SBDS: variants seen among roughly 807,000 people sequenced by gnomAD.
The protein encoded by SBDS is SBDS ribosome maturation factor, also known as ribosome maturation protein SBDS.
In SBDS, 20 loss-of-function variants were observed where a neutral mutation model predicts 26.4. That is an observed-to-expected ratio of 0.76 (90% CI 0.53 to 1.10). The LOEUF (loss-of-function observed/expected upper bound fraction) is 1.10, where lower values mean the gene tolerates loss of function less well. Ranked by LOEUF, SBDS falls within the 50% of genes least tolerant of loss-of-function variation. The pLI is 0.00. For missense variants in SBDS, 241 were observed against 302.0 expected (o/e 0.80, Z 1.50); for synonymous variants, 95 against 105.1 (o/e 0.90, Z 0.59).
chr7:66,993,174 T>C (rs376075835), intron 3 of SBDS, 43 bp downstream of exon 3: 28 of 1,541,864 alleles, frequency 1.8e-5, no homozygotes, highest in Non-Finnish European at 2.3e-5. Context: ...CAGAGAAAAC[T>C]GATTTCCATG....
chr7:66,988,281 A>C lies in SBDS; in HGVS notation c.*90T>G. 7.3e-7 allele frequency: 1 copy of C among 1,376,442 alleles called. No individual in the cohort carries two copies. 85.3% of individuals were successfully genotyped at this position (1,376,442 alleles called of 1,614,324 possible). A position where few individuals can be genotyped will look rare whatever the true frequency, so the allele number is the denominator to read the frequency against. On this transcript the variant is annotated 3_prime_UTR_variant, in exon 5 of 5. Coordinates refer to ENST00000246868, the MANE Select transcript of SBDS (RefSeq NM_016038.4). ...AAAGATAGAAAATGTCAAATAGTTT[A>C]AGCAAGTATTTGGCAGACCACAGAC...
In SBDS at chr7:66,993,301, CTT is replaced by C. The variant is rs1793014648; in HGVS notation, c.373_374del (p.Lys125GlufsTer9). 1 of 1,614,118 alleles carries C rather than the reference CTT, an allele frequency of 6.2e-7. No individual in the cohort carries two copies. Among genetic ancestry groups the C allele is most frequent in the South Asian group, 1.1e-5 (1 of 91,086 alleles). On this transcript the variant is annotated frameshift_variant, in exon 3 of 5. Transcript: ENST00000246868. LOFTEE classifies it high-confidence loss of function. ...CAATAAGGATCACGGTGTATGGTCT[CTT>C]TGTTTCAGGATTCACACATTTGTCT... is the stretch of plus-strand genomic sequence containing the variant. Reference protein sequence around the residue: ...VADKCVNPETKRPYTVILIER... With the variant: ...VADKCVNPETXRPYTVILIER...
rs1792911130 is a variant in SBDS at position 66,988,395 on chromosome 7, T to C, written c.729A>G (p.Glu243=). 3 of 1,613,762 alleles carry C rather than the reference T, an allele frequency of 1.9e-6. No individual in the cohort carries two copies. The highest frequency in any genetic ancestry group is 2.5e-6 in the Non-Finnish European group (3 of 1,180,000). ...GTCATTCAAATTTCTCATCTCCTTCTTCTACATCTTTCAGATTGAGTACTT... is the reference window on the plus strand; with the variant it reads ...GTCATTCAAATTTCTCATCTCCTTCCTCTACATCTTTCAGATTGAGTACTT... The part of the protein sequence containing the change: ...SLEVLNLKDV[E]EGDEKFE Residue 243 remains glutamate (E), a synonymous_variant, in exon 5 of 5, where the codon GAA becomes GAG. Coordinates refer to ENST00000246868, the MANE Select transcript of SBDS (RefSeq NM_016038.4).
chr7:66,993,364 C>CCCCG lies in SBDS; in HGVS notation c.311_312insCGGG (p.Glu105GlyfsTer6), dbSNP rs1793016198. ...TTGCAATGTCCCTAAACATCTGCTC[C>CCCCG]AGTTGTGTGTGTCTTTCTTTATCTG... On this transcript the variant is annotated frameshift_variant, in exon 3 of 5. Coordinates refer to ENST00000246868, the MANE Select transcript of SBDS (RefSeq NM_016038.4). LOFTEE classifies it high-confidence loss of function. 6.2e-7 allele frequency: 1 copy of CCCCG among 1,613,986 alleles called. No homozygotes were observed.
At chr7:66,994,033 A>AC (rs1355337913) in intron 2 of SBDS, among the ~76,000 whole-genome samples, 179 bp downstream of exon 2, 1 of 150,980 alleles carries the variant, frequency 6.6e-6, no homozygotes, top group South Asian at 2.1e-4. Flanking sequence ...AAAAAAAAAA[A>AC]AAAAACCACA....
chr7:66,995,466 C>G lies in SBDS; in HGVS notation c.-49G>C. 1 of 1,612,080 alleles carries G rather than the reference C, an allele frequency of 6.2e-7. No individual in the cohort carries two copies. ...GCCGGCGAACCAGGGCTGACCCGCG[C>G]CGTCCAGCCTGAAGGCCACCAGCGC... On this transcript the variant is annotated 5_prime_UTR_variant, in exon 1 of 5. Coordinates refer to ENST00000246868, the MANE Select transcript of SBDS (RefSeq NM_016038.4).
At chr7:66,993,006 CAAAA>C (rs71526589) in intron 3 of SBDS, among the ~76,000 whole-genome samples, 2 of 115,752 alleles carry the variant, frequency 1.7e-5, no homozygotes, top group Admixed American at 9.0e-5. Flanking sequence ...GACTCTGTCT[CAAAA>C]AAAAAAAAAA....
In SBDS at chr7:66,995,305, C is replaced by A; in HGVS notation, c.113G>T (p.Gly38Val). 6.2e-7 allele frequency: 1 copy of A among 1,613,982 alleles called. No homozygotes were observed. Residue 38 changes from glycine to valine, a missense_variant, in exon 1 of 5, where the codon GGC (glycine) becomes GTC (valine). Transcript: ENST00000246868. ...GGCTACTCACACGCCGCTCCGCCAGCCGACGACCTTGTTTTTGTAGCAGGC... is the reference window on the plus strand; with the variant it reads ...GGCTACTCACACGCCGCTCCGCCAGACGACGACCTTGTTTTTGTAGCAGGC... Reference protein sequence around the residue: ...EIACYKNKVVGWRSGVEKDLD... With the variant: ...EIACYKNKVVVWRSGVEKDLD...
At chr7:66,990,833 G>A (rs1792960838) in intron 4 of SBDS, among the ~76,000 whole-genome samples, 1 of 151,990 alleles carries the variant, frequency 6.6e-6, no homozygotes, top group Non-Finnish European at 1.5e-5. Flanking sequence ...TGGCTAACAC[G>A]GTGAAACTCC....
chr7:66,991,081 T>C, intron 4 of SBDS, 56 bp downstream of exon 4: 1 of 1,371,426 alleles, frequency 7.3e-7, no homozygotes, highest in South Asian at 1.2e-5. Context: ...ACAAATTTAT[T>C]ACTAGAGAAT....
At chr7:66,992,629 C>T (rs1792998102) in intron 3 of SBDS, among the ~76,000 whole-genome samples, 1 of 151,930 alleles carries the variant, frequency 6.6e-6, no homozygotes, top group African/African-American at 2.4e-5. Flanking sequence ...CTTTACAACC[C>T]CGTCCTTTTC....
chr7:66,988,913 G>T (rs910153094), intron 4 of SBDS, among the ~76,000 whole-genome samples: 2 of 151,600 alleles, frequency 1.3e-5, no homozygotes, highest in African/African-American at 2.4e-5. Flanking sequence ...ATTTTTTTTT[G>T]AGATAGAGTG....
At chr7:66,991,767 GA>G (rs1486392135) in intron 3 of SBDS, among the ~76,000 whole-genome samples, 3 of 151,800 alleles carry the variant, frequency 2.0e-5, no homozygotes, top group Non-Finnish European at 4.4e-5. Context: ...GGTGGGCAAA[GA>G]ACCTGAACAG....
At chr7:66,992,976 C>T (rs945319695) in intron 3 of SBDS, among the ~76,000 whole-genome samples, 4 of 150,230 alleles carry the variant, frequency 2.7e-5, no homozygotes, top group African/African-American at 7.4e-5. Flanking sequence ...TACTGCACTC[C>T]AGCCTGGGCA....
chr7:66,991,798 A>C (rs1792981940), intron 3 of SBDS, among the ~76,000 whole-genome samples: 1 of 152,204 alleles, frequency 6.6e-6, no homozygotes, highest in Non-Finnish European at 1.5e-5. Flanking sequence ...AAAAGAAGAC[A>C]GACGAGGCAC....
chr7:66,994,412 C>T lies in SBDS; in HGVS notation c.129-71G>A, dbSNP rs62466589. The T allele has an allele frequency of 0.052, 68,291 of 1,323,436 alleles. 2,047 individuals carry two copies. The highest frequency in any genetic ancestry group is 0.1 in the East Asian group (4,417 of 43,184). The allele number at this position is 1,323,436 out of a possible 1,614,324, so 82.0% of individuals were successfully genotyped here. A position where few individuals can be genotyped will look rare whatever the true frequency, so the allele number is the denominator to read the frequency against. The stretch of plus-strand genomic sequence containing the variant: ...TTGGACATGCATTTACATTTAAATA[C>T]GAGATGGCAACAACATGAACGGCAA... On this transcript the variant is annotated intron_variant, in intron 1 of 4. Transcript: ENST00000246868.
chr7:66,994,993 C>T (rs1289102346), intron 1 of SBDS, among the ~76,000 whole-genome samples: 1 of 152,202 alleles, frequency 6.6e-6, no homozygotes. Context: ...GGTTCTCAGC[C>T]ATCATTATTC....
At chr7:66,993,091 G>C (rs529198957) in intron 3 of SBDS, 126 bp downstream of exon 3, 1 of 878,064 alleles carries the variant, frequency 1.1e-6, no homozygotes, top group African/African-American at 1.6e-5. Flanking sequence ...TCCCATCTTG[G>C]CTCCCAAAGT....
intron 4 of SBDS, among the ~76,000 whole-genome samples, chr7:66,989,547 A>AAAAT (rs76824519): frequency 0.048 from 7,257 of 151,650 alleles, 209 homozygotes; most frequent in Middle Eastern, 0.086. Context: ...CCCTGTCTCA[A>AAAAT]AAATAAATAA....
Sources: allele counts gnomAD v4.1 joint callset (sites outside exome capture counted in the v4.1 genomes callset), GRCh38; gene constraint gnomAD v4.1.1; transcripts MANE v1.5; gene names NCBI Gene and HGNC (gene_info 2026-07-23, HGNC 2026-07-21).